KAZN: variants seen among roughly 807,000 people sequenced by gnomAD.
The protein encoded by KAZN is kazrin.
KAZN carries 40 observed loss-of-function variants against 87.4 expected under a neutral mutation model. The observed-to-expected ratio is 0.46, with a 90% confidence interval of 0.36 to 0.60. The LOEUF (loss-of-function observed/expected upper bound fraction) is 0.60, where lower values mean the gene tolerates loss of function less well. Among genes scored for constraint, KAZN ranks in the 20% least tolerant of loss-of-function variants. The pLI, the probability that KAZN is intolerant of heterozygous loss-of-function variation, is 0.00. For synonymous variants in KAZN, 466 were observed against 458.3 expected (o/e 1.02, Z -0.22); for missense variants, 898 against 1,073.9 (o/e 0.84, Z 2.29).
intron 1 of KAZN, among the ~76,000 whole-genome samples, chr1:14,834,000 C>CACACACACAT (rs529323838): frequency 6.7e-6 from 1 of 150,176 alleles, no homozygotes; most frequent in Non-Finnish European, 1.5e-5. Context: ...CACACACACA[C>CACACACACAT]ACACACACAT....
intron 1 of KAZN, among the ~76,000 whole-genome samples, chr1:14,774,346 C>T (rs1053091811): frequency 2.6e-5 from 4 of 152,158 alleles, no homozygotes; most frequent in African/African-American, 9.7e-5. Flanking sequence ...AAGCCCCTTT[C>T]CCAGTGCCCT....
At chr1:14,578,285 CT>C (rs1675314950) in intron 2 of KAZN, among the ~76,000 whole-genome samples, 2 of 152,170 alleles carry the variant, frequency 1.3e-5, no homozygotes, top group Admixed American at 1.3e-4. Flanking sequence ...AATCTCTCCC[CT>C]GCCTTACACT....
intron 1 of KAZN, among the ~76,000 whole-genome samples, chr1:14,954,975 T>C (rs1662913068): frequency 6.6e-6 from 1 of 152,158 alleles, no homozygotes; most frequent in African/African-American, 2.4e-5. Flanking sequence ...TAGTCACCTG[T>C]GCCTAGCAGG....
At chr1:14,023,722 G>T (rs1422899135) in intron 1 of KAZN, among the ~76,000 whole-genome samples, 3 of 152,190 alleles carry the variant, frequency 2.0e-5, no homozygotes, top group Non-Finnish European at 4.4e-5. Context: ...GCAGTAGGAG[G>T]TAGAATTGAG....
chr1:14,226,528 C>T (rs1647305822), intron 2 of KAZN, among the ~76,000 whole-genome samples: 1 of 152,142 alleles, frequency 6.6e-6, no homozygotes, highest in Non-Finnish European at 1.5e-5. Flanking sequence ...AACTACGATT[C>T]AACCCAACAA....
intron 1 of KAZN, among the ~76,000 whole-genome samples, chr1:14,771,638 C>A (rs1354334480): frequency 6.6e-6 from 1 of 152,008 alleles, no homozygotes; most frequent in African/African-American, 2.4e-5. Flanking sequence ...CCAGCCTGAC[C>A]AACATGGTGA....
At chr1:14,801,100 G>A (rs1452836962) in intron 1 of KAZN, among the ~76,000 whole-genome samples, 1 of 152,038 alleles carries the variant, frequency 6.6e-6, no homozygotes, top group Non-Finnish European at 1.5e-5. Context: ...GGGCGCAGAG[G>A]GTGGTGATAA....
At chr1:14,416,805 A>T (rs1190728891) in intron 2 of KAZN, among the ~76,000 whole-genome samples, 1 of 152,038 alleles carries the variant, frequency 6.6e-6, no homozygotes, top group African/African-American at 2.4e-5. Flanking sequence ...AAAAAAACCC[A>T]GCTGCATGTG....
intron 1 of KAZN, among the ~76,000 whole-genome samples, chr1:13,990,083 A>G (rs528368479): frequency 3.3e-5 from 5 of 152,232 alleles, no homozygotes; most frequent in Admixed American, 2.0e-4. Flanking sequence ...CTTGACAATC[A>G]AAAACAAACT....
At chr1:13,946,655 A>G (rs1641156583) in intron 1 of KAZN, among the ~76,000 whole-genome samples, 1 of 152,156 alleles carries the variant, frequency 6.6e-6, no homozygotes, top group African/African-American at 2.4e-5. Context: ...TAATATTCCA[A>G]AAGGGTCATG....
At position 14,122,259 on chromosome 1, in the gene KAZN, G is replaced by C. The variant is rs185383331; in HGVS notation, c.92-58176G>C. On this transcript the variant is annotated intron_variant, in intron 1 of 16. Transcript: ENST00000636203. ...AATGATTTTAGATGTGCAGCAGAAA[G>C]TGAGGCATCAGAGATAACTGTAAAG... Among the ~76,000 whole-genome samples the C allele has an allele frequency of 5.9e-5, 9 of 152,332 alleles. No homozygotes were observed. The East Asian group carries it at 1.7e-3, about 29-fold the overall frequency.
chr1:14,684,069 C>T (rs147868037), intron 1 of KAZN, among the ~76,000 whole-genome samples: 143 of 152,276 alleles, frequency 9.4e-4, no homozygotes, highest in Middle Eastern at 6.8e-3. Context: ...GGGCTGTCTA[C>T]GCAGAGTTTT....
chr1:15,067,158 G>T lies in KAZN; in HGVS notation c.1222+1405G>T, dbSNP rs537551677. 3.1e-5 allele frequency: 31 copies of T among 985,650 alleles called. No individual in the cohort carries two copies. The African/African-American group carries it at 4.9e-4, about 16-fold the overall frequency. The allele number at this position is 985,650 out of a possible 1,614,324, so 61.1% of individuals were successfully genotyped here. A position where few individuals can be genotyped will look rare whatever the true frequency, so the allele number is the denominator to read the frequency against. The stretch of plus-strand genomic sequence containing the variant: ...GATGCAGGTGGGCCAGGCAGGTGTT[G>T]TTAGGGGAGGCACCCACTTCAAAAG... On this transcript the variant is annotated intron_variant, in intron 8 of 14. Coordinates refer to ENST00000376030, the MANE Select transcript of KAZN (RefSeq NM_201628.3).
intron 8 of KAZN, among the ~76,000 whole-genome samples, chr1:15,089,988 T>C (rs2100663825): frequency 6.6e-6 from 1 of 152,326 alleles, no homozygotes; most frequent in East Asian, 1.9e-4. Flanking sequence ...TTCCCCTCCT[T>C]CGTGATTTCC....
At chr1:14,245,009 G>T (rs1649360397) in intron 2 of KAZN, among the ~76,000 whole-genome samples, 1 of 152,030 alleles carries the variant, frequency 6.6e-6, no homozygotes, top group African/African-American at 2.4e-5. Context: ...CACCCAGGCT[G>T]GAGTGCAGTG....
chr1:14,470,205 T>C (rs1668379126), intron 2 of KAZN, among the ~76,000 whole-genome samples: 1 of 152,150 alleles, frequency 6.6e-6, no homozygotes, highest in African/African-American at 2.4e-5. Context: ...AATTCTGTTA[T>C]GAAAAACAGG....
intron 2 of KAZN, among the ~76,000 whole-genome samples, chr1:14,964,267 A>G (rs186951621): frequency 6.6e-6 from 1 of 152,274 alleles, no homozygotes; most frequent in East Asian, 1.9e-4. Context: ...TTTTTCTTAT[A>G]ATTGGGACTA....
At chr1:14,306,683 AG>A (rs1459748843) in intron 2 of KAZN, among the ~76,000 whole-genome samples, 1 of 152,166 alleles carries the variant, frequency 6.6e-6, no homozygotes, top group African/African-American at 2.4e-5. Context: ...GACATAGCCC[AG>A]GGTGTTCAGA....
chr1:14,925,344 A>G (rs529708500), intron 1 of KAZN, among the ~76,000 whole-genome samples: 57 of 152,342 alleles, frequency 3.7e-4, no homozygotes, highest in Middle Eastern at 6.8e-3. Flanking sequence ...TTTTCTGAGA[A>G]GGGGCTGCCA....
Sources: allele counts gnomAD v4.1 joint callset (sites outside exome capture counted in the v4.1 genomes callset), GRCh38; gene constraint gnomAD v4.1.1; transcripts MANE v1.5; gene names NCBI Gene and HGNC (gene_info 2026-07-23, HGNC 2026-07-21).